The following AP1S3 variants were observed in gnomAD, a reference collection of about 807,000 sequenced individuals.
The protein encoded by AP1S3 is AP-1 complex subunit sigma-3.
A neutral mutation model predicts 20.9 loss-of-function variants in AP1S3; 10 were observed. The ratio of observed to expected loss-of-function variants is 0.48; its 90% CI spans 0.29 to 0.81. The LOEUF (loss-of-function observed/expected upper bound fraction) is 0.81. Ranked by LOEUF, AP1S3 falls within the 30% of genes least tolerant of loss-of-function variation. The probability of loss-of-function intolerance (pLI) is 0.08; values close to 1 mark genes in which losing one functional copy is unlikely to be tolerated. For synonymous variants in AP1S3, 41 were observed against 61.5 expected (o/e 0.67, Z 1.56); for missense variants, 154 against 183.8 (o/e 0.84, Z 0.94).
chr2:223,806,277 A>ATTT lies in AP1S3; in HGVS notation c.4-28411_4-28409dup, dbSNP rs144953846. Among the ~76,000 whole-genome samples, 280 of 111,032 alleles carry ATTT rather than the reference A, an allele frequency of 2.5e-3. 2 individuals are homozygous for ATTT. Among genetic ancestry groups the ATTT allele is most frequent in the African/African-American group, 4.6e-3 (124 of 27,218 alleles). The allele number at this position is 111,032 out of a possible 152,430, so 72.8% of individuals were successfully genotyped here. On this transcript the variant is annotated intron_variant, in intron 1 of 4. Coordinates refer to ENST00000396654, the MANE Select transcript of AP1S3 (RefSeq NM_001039569.2). Reference sequence around the variant, plus strand: ...TTCACTTTTTTATATAAACAAAGGAATTTTTTTTTTTTTTTTTTTTTTTTG... The same window carrying ATTT: ...TTCACTTTTTTATATAAACAAAGGAATTTTTTTTTTTTTTTTTTTTTTTTTTTG...
intron 3 of AP1S3, 84 bp downstream of exon 3, chr2:223,775,817 G>A (rs1690769771): frequency 4.1e-6 from 4 of 976,700 alleles, no homozygotes; most frequent in Non-Finnish European, 6.3e-6. Context: ...GTGACAGAGA[G>A]AAGGGATGTG....
At chr2:223,781,310 T>C (rs974231403) in intron 1 of AP1S3, among the ~76,000 whole-genome samples, 1 of 151,886 alleles carries the variant, frequency 6.6e-6, no homozygotes, top group Non-Finnish European at 1.5e-5. Context: ...GCCCAAGACA[T>C]CACAGGTGAT....
chr2:223,767,813 A>G (rs534183420), intron 3 of AP1S3, among the ~76,000 whole-genome samples: 1 of 152,136 alleles, frequency 6.6e-6, no homozygotes, highest in East Asian at 1.9e-4. Flanking sequence ...CATCTAATTC[A>G]TTCTAGAGTT....
intron 1 of AP1S3, among the ~76,000 whole-genome samples, chr2:223,819,167 G>A (rs934509694): frequency 6.6e-6 from 1 of 152,152 alleles, no homozygotes; most frequent in Non-Finnish European, 1.5e-5. Flanking sequence ...AGTACAGTGA[G>A]TGCCAAAACC....
chr2:223,827,878 G>A (rs1692168275), intron 1 of AP1S3, among the ~76,000 whole-genome samples: 1 of 151,578 alleles, frequency 6.6e-6, no homozygotes, highest in Non-Finnish European at 1.5e-5. Flanking sequence ...TGGCCAACAT[G>A]GTGAAATCAC....
Position 223,758,034 on chromosome 2 carries a change from A to T in AP1S3, c.*681T>A. 1.0e-6 allele frequency: 1 copy of T among 977,596 alleles called. No homozygotes were observed. The highest frequency in any genetic ancestry group is 4.7e-5 in the South Asian group (1 of 21,138). 60.6% of individuals were successfully genotyped at this position (977,596 alleles called of 1,614,324 possible). On this transcript the variant is annotated 3_prime_UTR_variant, in exon 5 of 5. Coordinates refer to ENST00000396654, the MANE Select transcript of AP1S3 (RefSeq NM_001039569.2). ...AGAAAACCTTATTGGAATGTCCCTT[A>T]TATTCAATTAAAAGATAAATTAAAA...
chr2:223,793,808 T>G (rs1691271287), intron 1 of AP1S3, among the ~76,000 whole-genome samples: 3 of 152,104 alleles, frequency 2.0e-5, no homozygotes, highest in Admixed American at 2.0e-4. Context: ...CTAATACGTT[T>G]TTTTTTTGTT....
intron 1 of AP1S3, among the ~76,000 whole-genome samples, chr2:223,806,406 C>G (rs1219807419): frequency 2.0e-5 from 3 of 151,298 alleles, no homozygotes; most frequent in African/African-American, 7.3e-5. Context: ...GCCTCAACCT[C>G]TCGAGTAGGT....
intron 4 of AP1S3, among the ~76,000 whole-genome samples, chr2:223,759,292 A>G (rs1395761725): frequency 1.4e-5 from 2 of 142,290 alleles, no homozygotes; most frequent in Non-Finnish European, 3.0e-5. Flanking sequence ...AACAAAAAAA[A>G]AAAAGAGAGA....
At chr2:223,804,395 G>A (rs1215510586) in intron 1 of AP1S3, among the ~76,000 whole-genome samples, 2 of 152,108 alleles carry the variant, frequency 1.3e-5, no homozygotes, top group East Asian at 3.9e-4. Flanking sequence ...ATAATGACAG[G>A]AAGATAGAAA....
intron 3 of AP1S3, chr2:223,773,441 T>C: frequency 1.6e-6 from 2 of 1,213,212 alleles, no homozygotes; most frequent in Non-Finnish European, 2.2e-6. Context: ...AACATGTTAT[T>C]ATACATTTGC....
intron 1 of AP1S3, among the ~76,000 whole-genome samples, chr2:223,801,589 C>A (rs2106111126): frequency 6.6e-6 from 1 of 152,242 alleles, no homozygotes; most frequent in Admixed American, 6.5e-5. Context: ...GGATTACAGG[C>A]ACCCACCAAC....
At chr2:223,779,294 A>G (rs1296048998) in intron 1 of AP1S3, among the ~76,000 whole-genome samples, 1 of 152,244 alleles carries the variant, frequency 6.6e-6, no homozygotes, top group Non-Finnish European at 1.5e-5. Context: ...CTGTAATCCC[A>G]GCACTTTGGG....
intron 3 of AP1S3, among the ~76,000 whole-genome samples, chr2:223,770,840 G>A (rs1449227397): frequency 6.8e-6 from 1 of 146,250 alleles, no homozygotes; most frequent in African/African-American, 2.6e-5. Context: ...CTATTCTACC[G>A]CCTCAGCCTC....
chr2:223,757,526 G>T lies in AP1S3; in HGVS notation c.*1189C>A, dbSNP rs1690250317. On this transcript the variant is annotated 3_prime_UTR_variant, in exon 5 of 5. Coordinates refer to ENST00000396654, the MANE Select transcript of AP1S3 (RefSeq NM_001039569.2). ...TGCTCTCGAACTCCTGACCTCAAGT[G>T]ATCCACCTGCCTCGGCCTCCCAAAG... The T allele has an allele frequency of 1.1e-6, 1 of 906,226 alleles. No homozygotes were observed. The highest frequency in any genetic ancestry group is 6.2e-5 in the Admixed American group (1 of 16,144). The allele number at this position is 906,226 out of a possible 1,614,324, so 56.1% of individuals were successfully genotyped here.
At chr2:223,790,037 G>A (rs945387867) in intron 1 of AP1S3, among the ~76,000 whole-genome samples, 6 of 152,072 alleles carry the variant, frequency 3.9e-5, no homozygotes, top group Non-Finnish European at 7.4e-5. Flanking sequence ...CCATCAACAC[G>A]AAACTTCAGA....
chr2:223,836,424 G>A (rs1190572479), intron 1 of AP1S3, among the ~76,000 whole-genome samples: 1 of 152,126 alleles, frequency 6.6e-6, no homozygotes, highest in Non-Finnish European at 1.5e-5. Flanking sequence ...ACACACCCCA[G>A]TCCATTCTCC....
At chr2:223,811,909 T>A (rs1265786106) in intron 1 of AP1S3, among the ~76,000 whole-genome samples, 2 of 152,186 alleles carry the variant, frequency 1.3e-5, no homozygotes, top group Non-Finnish European at 2.9e-5. Context: ...GAAGCCCAGA[T>A]TTTGCCAAGA....
intron 1 of AP1S3, among the ~76,000 whole-genome samples, chr2:223,802,469 AT>A (rs1354963339): frequency 1.3e-5 from 2 of 151,680 alleles, no homozygotes; most frequent in Non-Finnish European, 2.9e-5. Context: ...TACCCAGCTA[AT>A]TTTTTTGTAT....
Sources: gnomAD v4.1 joint callset for allele counts (sites outside exome capture counted in the v4.1 genomes callset) on GRCh38, gnomAD v4.1.1 for gene constraint, MANE v1.5 for transcripts, NCBI Gene and HGNC (gene_info 2026-07-23, HGNC 2026-07-21) for gene names.